Variants in NOXA1 observed in about 807,000 individuals in gnomAD.
NOXA1 encodes NADPH oxidase activator 1, also known as NCF2-like protein.
NOXA1 carries 56 observed loss-of-function variants against 64.8 expected under a neutral mutation model. The ratio of observed to expected loss-of-function variants is 0.86; its 90% CI spans 0.70 to 1.08. NOXA1 has a LOEUF of 1.08. Ranked by LOEUF, NOXA1 falls within the 50% of genes least tolerant of loss-of-function variation. The probability of loss-of-function intolerance (pLI) is 0.00; values close to 1 mark genes in which losing one functional copy is unlikely to be tolerated. For synonymous variants in NOXA1, 295 were observed against 294.8 expected (o/e 1.00, Z -0.01); for missense variants, 668 against 658.5 (o/e 1.01, Z -0.16).
In NOXA1 at chr9:137,434,279, G is replaced by C. The variant is rs1395273539; in HGVS notation, c.1350G>C (p.Lys450Asn). ...ACGGCCGCATCGGCATCTTCCCCAA[G>C]TGCTTCGTGGTCCCCGCCGGCCCTC... The part of the protein sequence containing the change: ...HCDGRIGIFP[K>N]CFVVPAGPRM... Residue 450 changes from lysine to asparagine, a missense_variant, in exon 14 of 14, where the codon AAG becomes AAC. Transcript: ENST00000683555. 1 of 1,611,164 alleles carries C rather than the reference G, an allele frequency of 6.2e-7. No individual in the cohort carries two copies.
rs760491055 is a variant in NOXA1 at position 137,433,471 on chromosome 9, T to G, written c.928T>G (p.Ser310Ala). The G allele has an allele frequency of 8.4e-5, 134 of 1,601,838 alleles. No individual in the cohort carries two copies. Among genetic ancestry groups the G allele is most frequent in the Non-Finnish European group, 1.1e-4 (132 of 1,178,194 alleles). Reference protein sequence around the residue: ...AGAGGAGAGGSEPLVTVTVQC... With the variant: ...AGAGGAGAGGAEPLVTVTVQC... ...GACCCAGGGAGCAGGTGCAGGGGGC[T>G]CCGAGCCCCTGGTGACTGTCACCGT... The change falls in exon 11 of 14, where the codon TCC becomes GCC. Residue 310 changes from serine to alanine, a missense_variant. Transcript: ENST00000683555.
intron 11 of NOXA1, 54 bp from the exon 12 acceptor site, chr9:137,433,696 T>A (rs966019726): frequency 6.7e-7 from 1 of 1,492,966 alleles, no homozygotes; most frequent in African/African-American, 1.4e-5. Context: ...CAGAGGTCAC[T>A]GCCCTCCCTG....
intron 2 of NOXA1, 44 bp downstream of exon 2, chr9:137,426,374 C>A (rs766617824): frequency 6.5e-7 from 1 of 1,540,692 alleles, no homozygotes; most frequent in Non-Finnish European, 9.0e-7. Context: ...GGCCCTTTGT[C>A]TCCCTGCAGA....
chr9:137,431,223 C>G lies in NOXA1; in HGVS notation c.699-13C>G, dbSNP rs760864478. Reference sequence around the variant, plus strand: ...AGATGGGCAGGGCCTGAGAGCCTCCCTCCTCTCCCTAGGTCCCTAATCATG... The same window carrying G: ...AGATGGGCAGGGCCTGAGAGCCTCCGTCCTCTCCCTAGGTCCCTAATCATG... On this transcript the variant is annotated splice_polypyrimidine_tract_variant and intron_variant, in intron 7 of 13. Coordinates refer to ENST00000683555, the MANE Select transcript of NOXA1 (RefSeq NM_001256067.2). The surrounding 1 kb of genome is among the most constrained non-coding windows in gnomAD (Gnocchi z 5.6). The G allele has an allele frequency of 1.2e-6, 2 of 1,609,198 alleles. No individual in the cohort carries two copies. The highest frequency in any genetic ancestry group is 8.5e-7 in the Non-Finnish European group (1 of 1,177,036).
Position 137,426,267 on chromosome 9 carries a change from C to T in NOXA1, c.197C>T (p.Thr66Ile). The change falls in exon 2 of 14, where the codon ACC becomes ATC. Residue 66 changes from threonine (T) to isoleucine (I), a missense_variant. By Grantham distance (89) the Thr-to-Ile change is moderately conservative. Coordinates refer to ENST00000683555, the MANE Select transcript of NOXA1 (RefSeq NM_001256067.2). The part of the protein sequence containing the change: ...AALRAFDQAV[T>I]KDTCMAVGFF... ...CCCCAGGCATTTGACCAAGCCGTGA[C>T]CAAGGACACCTGCATGGCGGTTGGC... 1 of 1,613,840 alleles carries T rather than the reference C, an allele frequency of 6.2e-7. No individual in the cohort carries two copies. The highest frequency in any genetic ancestry group is 8.5e-7 in the Non-Finnish European group (1 of 1,179,992).
rs749895807 is a variant in NOXA1, at chr9:137,434,092, T to C, written c.1294+13T>C. Reference sequence around the variant, plus strand: ...GTCCTGTGTGAAGGTAGGGTGGGCATGGCCCTTCCCAGGCAGCACCGTGGT... The same window carrying C: ...GTCCTGTGTGAAGGTAGGGTGGGCACGGCCCTTCCCAGGCAGCACCGTGGT... On this transcript the variant is annotated intron_variant, in intron 13 of 13. Transcript: ENST00000683555. 1.3e-6 allele frequency: 2 copies of C among 1,584,188 alleles called. No homozygotes were observed. Among genetic ancestry groups the C allele is most frequent in the African/African-American group, 2.7e-5 (2 of 74,400 alleles).
chr9:137,433,647 C>G (rs1309341779), intron 11 of NOXA1, 40 bp downstream of exon 11: 1 of 1,526,536 alleles, frequency 6.6e-7, no homozygotes, highest in South Asian at 1.2e-5. Context: ...TGGAGCTGGG[C>G]ACCGCCCCGA....
chr9:137,431,009 G>A lies in NOXA1; in HGVS notation c.673-66G>A. ...AGACCTGGGGAAACCACTCTTCAAGGTTCAGGAGGAGGGAGGGCGGCCCCC... is the reference window on the plus strand; with the variant it reads ...AGACCTGGGGAAACCACTCTTCAAGATTCAGGAGGAGGGAGGGCGGCCCCC... On this transcript the variant is annotated intron_variant, in intron 6 of 13. Coordinates refer to ENST00000683555, the MANE Select transcript of NOXA1 (RefSeq NM_001256067.2). This position sits in a 1 kb window ranked among gnomAD's most constrained non-coding sequence, Gnocchi z 5.6. The A allele has an allele frequency of 6.2e-7, 1 of 1,611,612 alleles. No homozygotes were observed. Among genetic ancestry groups the A allele is most frequent in the Non-Finnish European group, 8.5e-7 (1 of 1,179,020 alleles).
chr9:137,431,774 G>A lies in NOXA1; in HGVS notation c.804+433G>A, dbSNP rs1423433546. ...GCGACTCCATCCCCCGAGTCCTCCC[G>A]GACACCCCGGCACCTGGGGAGAGGC... On this transcript the variant is annotated intron_variant, in intron 8 of 13. Coordinates refer to ENST00000683555, the MANE Select transcript of NOXA1 (RefSeq NM_001256067.2). The surrounding 1 kb of genome is among the most constrained non-coding windows in gnomAD (Gnocchi z 5.6). Among the ~76,000 whole-genome samples, 4 of 152,156 alleles carry A rather than the reference G, an allele frequency of 2.6e-5. No individual in the cohort carries two copies. The highest frequency in any genetic ancestry group is 4.4e-5 in the Non-Finnish European group (3 of 68,010).
Position 137,428,737 on chromosome 9 carries a change from T to C in NOXA1, c.370-145T>C, listed in dbSNP as rs1370573655. The C allele has an allele frequency of 2.5e-5, 12 of 488,942 alleles. No homozygotes were observed. In the Admixed American group the frequency reaches 4.6e-4, roughly 19 times the overall value. The allele number at this position is 488,942 out of a possible 1,614,324, so 30.3% of individuals were successfully genotyped here. A position where few individuals can be genotyped will look rare whatever the true frequency, so the allele number is the denominator to read the frequency against. On this transcript the variant is annotated intron_variant, in intron 3 of 13. Coordinates refer to ENST00000683555, the MANE Select transcript of NOXA1 (RefSeq NM_001256067.2). The stretch of plus-strand genomic sequence containing the variant: ...CAGGTGGGGGGACTGGGGGAGAGGC[T>C]GGGTGGGGGGATGGGGGAGGGGCCA...
rs112066137 is a variant in NOXA1, at chr9:137,424,521, C to A, written c.177+815C>A. Reference sequence around the variant, plus strand: ...GTGGCCCAATCTTGGCTCACTGCAACCTCTGCCTCCCGGGTTCAAGCAATT... The same window carrying A: ...GTGGCCCAATCTTGGCTCACTGCAAACTCTGCCTCCCGGGTTCAAGCAATT... On this transcript the variant is annotated intron_variant, in intron 1 of 13. Coordinates refer to ENST00000683555, the MANE Select transcript of NOXA1 (RefSeq NM_001256067.2). 3.3e-3 allele frequency among the ~76,000 whole-genome samples: 508 copies of A among 152,272 alleles called. 2 individuals are homozygous for A. The highest frequency in any genetic ancestry group is 0.012 in the African/African-American group (499 of 41,534).
At chr9:137,428,376 C>T (rs1419551002) in intron 3 of NOXA1, among the ~76,000 whole-genome samples, 8 of 152,066 alleles carry the variant, frequency 5.3e-5, no homozygotes, top group Non-Finnish European at 1.0e-4. Flanking sequence ...AGGGCAGAGG[C>T]GAAAGGCTGC....
intron 10 of NOXA1, 39 bp downstream of exon 10, chr9:137,433,302 G>C (rs1448582957): frequency 1.3e-6 from 2 of 1,520,102 alleles, no homozygotes; most frequent in Admixed American, 4.5e-5. Flanking sequence ...AGTCACCTGA[G>C]GGAGGCTGAG....
Position 137,434,333 on chromosome 9 carries a change from C to A in NOXA1, c.1404C>A (p.Pro468=), listed in dbSNP as rs758946909. ...PRMSGAPGRL[P]RSQQGDQP The stretch of plus-strand genomic sequence containing the variant: ...TGTCAGGAGCCCCCGGCCGCCTGCC[C>A]CGATCCCAGCAGGGAGATCAGCCCT... The change falls in exon 14 of 14, where the codon CCC becomes CCA. Residue 468 remains proline, a synonymous_variant. Transcript: ENST00000683555. The A allele has an allele frequency of 1.2e-6, 2 of 1,605,234 alleles. No homozygotes were observed. Among genetic ancestry groups the A allele is most frequent in the East Asian group, 4.5e-5 (2 of 44,770 alleles).
chr9:137,431,027 C>A lies in NOXA1; in HGVS notation c.673-48C>A. The A allele has an allele frequency of 6.2e-7, 1 of 1,612,400 alleles. No individual in the cohort carries two copies. The highest frequency in any genetic ancestry group is 8.5e-7 in the Non-Finnish European group (1 of 1,179,534). On this transcript the variant is annotated intron_variant, in intron 6 of 13. Transcript: ENST00000683555. This position sits in a 1 kb window ranked among gnomAD's most constrained non-coding sequence, Gnocchi z 5.6. ...CTTCAAGGTTCAGGAGGAGGGAGGG[C>A]GGCCCCCGACCCTTAACCAGAGCGA...
rs764715816 is a variant in NOXA1, at chr9:137,431,867, C to T, written c.804+526C>T. 3.9e-5 allele frequency among the ~76,000 whole-genome samples: 6 copies of T among 152,164 alleles called. No individual in the cohort carries two copies. The highest frequency in any genetic ancestry group is 7.4e-5 in the Non-Finnish European group (5 of 68,024). On this transcript the variant is annotated intron_variant, in intron 8 of 13. Transcript: ENST00000683555. The surrounding 1 kb of genome is among the most constrained non-coding windows in gnomAD (Gnocchi z 5.6). ...TGGGCGGAGGCTCTGCTGCAGGATC[C>T]GGGAGGCCCAGAGAAGGCACCTGCA...
Position 137,431,940 on chromosome 9 carries a change from A to G in NOXA1, c.804+599A>G, listed in dbSNP as rs1564240728. The stretch of plus-strand genomic sequence containing the variant: ...GATGCGATCAGGAAGCAGCCCCGGC[A>G]CTCTCTCTTTATGGATGCCCACTTC... On this transcript the variant is annotated intron_variant, in intron 8 of 13. Coordinates refer to ENST00000683555, the MANE Select transcript of NOXA1 (RefSeq NM_001256067.2). This position sits in a 1 kb window ranked among gnomAD's most constrained non-coding sequence, Gnocchi z 5.6. Among the ~76,000 whole-genome samples the G allele has an allele frequency of 1.3e-5, 2 of 151,962 alleles. No individual in the cohort carries two copies. The highest frequency in any genetic ancestry group is 4.8e-5 in the African/African-American group (2 of 41,348).
At chr9:137,432,537 G>A (rs755186691) in intron 8 of NOXA1, among the ~76,000 whole-genome samples, 3 of 152,172 alleles carry the variant, frequency 2.0e-5, no homozygotes, top group South Asian at 4.1e-4. Flanking sequence ...CCAAGATGGC[G>A]CCACTGCACT....
In NOXA1 at chr9:137,426,343, G is replaced by GT; in HGVS notation, c.260+14dup. 6.2e-7 allele frequency: 1 copy of GT among 1,611,908 alleles called. No homozygotes were observed. The highest frequency in any genetic ancestry group is 1.3e-5 in the African/African-American group (1 of 75,012). On this transcript the variant is annotated intron_variant, in intron 2 of 13. Transcript: ENST00000683555. Reference sequence around the variant, plus strand: ...TCCAGCTGGCAAGGTGAGTACAGGGGTGCCTTGTTCCTTCTCTGACGGCCC... The same window carrying GT: ...TCCAGCTGGCAAGGTGAGTACAGGGGTTGCCTTGTTCCTTCTCTGACGGCCC...
Sources: allele counts gnomAD v4.1 joint callset (sites outside exome capture counted in the v4.1 genomes callset), GRCh38; gene constraint gnomAD v4.1.1; non-coding constraint Gnocchi (gnomAD v3.1); transcripts MANE v1.5; gene names NCBI Gene and HGNC (gene_info 2026-07-23, HGNC 2026-07-21).